ITGB1BP2: variants seen among roughly 807,000 people sequenced by gnomAD.
ITGB1BP2 encodes the protein integrin subunit beta 1 binding protein 2, also known as integrin beta-1-binding protein 2.
Under a neutral mutation model 32.2 loss-of-function variants are expected in ITGB1BP2, and 27 were observed. That is an observed-to-expected ratio of 0.84 (90% CI 0.62 to 1.16). The LOEUF (loss-of-function observed/expected upper bound fraction) is 1.16. ITGB1BP2 is among the 50% of genes most tolerant of loss of function. The probability of loss-of-function intolerance (pLI) is 0.00; values close to 1 mark genes in which losing one functional copy is unlikely to be tolerated. For missense variants in ITGB1BP2, 250 were observed against 267.3 expected, an observed-to-expected ratio of 0.94 and a Z score of 0.45; for synonymous variants, 105 against 94.7, an observed-to-expected ratio of 1.11 and a Z score of -0.63.
chrX:71,303,190 C>A, intron 4 of ITGB1BP2, 72 bp from the exon 5 acceptor site: 1 of 924,749 alleles, frequency 1.1e-6, no homozygotes, highest in South Asian at 2.3e-5. Context: ...ATTCCATTAC[C>A]ATCGGTGGGA....
intron 1 of ITGB1BP2, 78 bp downstream of exon 1, chrX:71,301,948 A>G: frequency 1.0e-6 from 1 of 959,631 alleles, no homozygotes; most frequent in Non-Finnish European, 1.5e-6. Context: ...AGTGTGTTTG[A>G]GGAGCGGGGA....
Position 71,303,441 on chromosome X carries a change from ACT to A in ITGB1BP2, c.413-17_413-16del, listed in dbSNP as rs1283002277. 1.7e-6 allele frequency: 2 copies of A among 1,208,127 alleles called. No homozygotes were observed. Among genetic ancestry groups the A allele is most frequent in the African/African-American group, 1.8e-5 (1 of 56,646 alleles). On this transcript the variant is annotated intron_variant, in intron 5 of 10. Coordinates refer to ENST00000373829, the MANE Select transcript of ITGB1BP2 (RefSeq NM_012278.4). ...GAGTGGGGGGATGGATAAGTTCCTG[ACT>A]CTGTTTCCCTTGCCCAGGACTTGAC...
In ITGB1BP2 at chrX:71,302,565, G is replaced by T. The variant is rs754841565; in HGVS notation, c.317+9G>T. 2.5e-6 allele frequency: 3 copies of T among 1,196,262 alleles called. No individual in the cohort carries two copies. Among genetic ancestry groups the T allele is most frequent in the Non-Finnish European group, 3.4e-6 (3 of 889,455 alleles). ...CGCCGGGAGAGGCCCAAGTAAAGAG[G>T]AGGAGGCCCCTGGACTTTTCTTATT... is the stretch of plus-strand genomic sequence containing the variant. On this transcript the variant is annotated intron_variant, in intron 4 of 10. Transcript: ENST00000373829.
chrX:71,305,271 G>A lies in ITGB1BP2; in HGVS notation c.*79G>A, dbSNP rs2031679906. 4.4e-6 allele frequency: 4 copies of A among 910,492 alleles called. No individual in the cohort carries two copies. The highest frequency in any genetic ancestry group is 6.1e-6 in the Non-Finnish European group (4 of 656,838). The allele number at this position is 910,492 out of a possible 1,213,427, so 75.0% of individuals were successfully genotyped here. A position where few individuals can be genotyped will look rare whatever the true frequency, so the allele number is the denominator to read the frequency against. On this transcript the variant is annotated 3_prime_UTR_variant, in exon 11 of 11. Coordinates refer to ENST00000373829, the MANE Select transcript of ITGB1BP2 (RefSeq NM_012278.4). ...TAGATACCAGGATATTGTTGGCCATGTGGCATCATTGAGCAGCAGGAGGCT... is the reference window on the plus strand; with the variant it reads ...TAGATACCAGGATATTGTTGGCCATATGGCATCATTGAGCAGCAGGAGGCT...
intron 4 of ITGB1BP2, among the ~76,000 whole-genome samples, chrX:71,302,976 C>G (rs898006846): frequency 3.6e-5 from 4 of 111,595 alleles, no homozygotes; most frequent in Non-Finnish European, 7.5e-5. Flanking sequence ...ATATTAGGTC[C>G]ACGATTAGAT....
Position 71,302,275 on chromosome X carries a change from A to G in ITGB1BP2, c.115-2A>G, listed in dbSNP as rs2031626857. ...AAGCTGATCTGGGTCTCTTGTTATC[A>G]GGGTTGGTCCTGCTGCCGAAAGCGA... is the stretch of plus-strand genomic sequence containing the variant. On this transcript the variant is annotated splice_acceptor_variant, in intron 2 of 10. Coordinates refer to ENST00000373829, the MANE Select transcript of ITGB1BP2 (RefSeq NM_012278.4). LOFTEE classifies it high-confidence loss of function. 8.3e-7 allele frequency: 1 copy of G among 1,208,938 alleles called. No individual in the cohort carries two copies. The highest frequency in any genetic ancestry group is 1.8e-5 in the African/African-American group (1 of 56,881).
At chrX:71,304,104 G>C (rs2031658817) in intron 8 of ITGB1BP2, 83 bp from the exon 9 acceptor site, 1 of 806,271 alleles carries the variant, frequency 1.2e-6, no homozygotes, top group Non-Finnish European at 1.8e-6. Flanking sequence ...GAGACTCTCT[G>C]TCTCTTCTCC....
chrX:71,301,993 T>C lies in ITGB1BP2; in HGVS notation c.64+123T>C, dbSNP rs1444146934. On this transcript the variant is annotated intron_variant, in intron 1 of 10. Coordinates refer to ENST00000373829, the MANE Select transcript of ITGB1BP2 (RefSeq NM_012278.4). ...CCTGCCCTAGTTTAATTGGTCTGAG[T>C]GATCTTACAGCCTTTGCTGGCTTTT... 4.5e-6 allele frequency: 4 copies of C among 879,379 alleles called. No homozygotes were observed. The African/African-American group carries it at 8.3e-5, about 18-fold the overall frequency. The allele number at this position is 879,379 out of a possible 1,213,427, so 72.5% of individuals were successfully genotyped here. A position where few individuals can be genotyped will look rare whatever the true frequency, so the allele number is the denominator to read the frequency against.
At chrX:71,303,540 C>G (rs1215579484) in intron 6 of ITGB1BP2, 24 bp downstream of exon 6, 1 of 1,207,309 alleles carries the variant, frequency 8.3e-7, no homozygotes, top group Admixed American at 2.2e-5. Context: ...TTGAGGGGCT[C>G]AAGCATATGG....
chrX:71,303,119 T>C (rs1367807826), intron 4 of ITGB1BP2, 143 bp from the exon 5 acceptor site: 5 of 486,630 alleles, frequency 1.0e-5, no homozygotes, highest in Non-Finnish European at 1.4e-5. Flanking sequence ...GAGATGAAAA[T>C]TGGCAATGGG....
chrX:71,302,322 T>C lies in ITGB1BP2; in HGVS notation c.160T>C (p.Leu54=). 1 of 1,211,476 alleles carries C rather than the reference T, an allele frequency of 8.3e-7. No homozygotes were observed. The highest frequency in any genetic ancestry group is 1.7e-5 in the African/African-American group (1 of 57,718). ...GCGAACTGTAGATTTCTCTGAGTTC[T>C]TAAACATCAAGGTAAATTATTTATG... ...RKRTVDFSEF[L]NIKGCTMGPH... is the part of the protein sequence containing the mutation. The change falls in exon 3 of 11, where the codon TTA becomes CTA. Residue 54 remains leucine, a synonymous_variant. Transcript: ENST00000373829.
At position 71,305,185 on chromosome X, in the gene ITGB1BP2, G is replaced by C. The variant is rs761991739; in HGVS notation, c.1037G>C (p.Gly346Ala). ...TEEEEEEEAM[G>A]E ...GAGGAGGAAGAGGAGGAAGCAATGG[G>C]GGAATAGTGACACCAGACAGTTGAT... The change falls in exon 11 of 11, where the codon GGG (glycine) becomes GCG (alanine). Residue 346 changes from glycine (G) to alanine (A), a missense_variant. Gly to Ala is a moderately conservative substitution (Grantham distance 60, BLOSUM62 0). Transcript: ENST00000373829. 2 of 1,191,874 alleles carry C rather than the reference G, an allele frequency of 1.7e-6. No homozygotes were observed. Among genetic ancestry groups the C allele is most frequent in the African/African-American group, 3.5e-5 (2 of 56,983 alleles).
chrX:71,304,527 A>T lies in ITGB1BP2; in HGVS notation c.754-15A>T. 4 of 1,204,281 alleles carry T rather than the reference A, an allele frequency of 3.3e-6. No individual in the cohort carries two copies. Among genetic ancestry groups the T allele is most frequent in the Non-Finnish European group, 4.5e-6 (4 of 890,317 alleles). On this transcript the variant is annotated splice_polypyrimidine_tract_variant and intron_variant, in intron 9 of 10. Coordinates refer to ENST00000373829, the MANE Select transcript of ITGB1BP2 (RefSeq NM_012278.4). ...TTCTGGGTTTGTTACTACCCCTGTA[A>T]TTCTTTTCTCTCAGCTTCATGTCCA...
Position 71,303,839 on chromosome X carries a change from C to T in ITGB1BP2, c.567C>T (p.Ile189=). The change falls in exon 8 of 11, where the codon ATC becomes ATT. Residue 189 remains isoleucine (I), a synonymous_variant. Transcript: ENST00000373829. ...TGAAGTCTTGGAGCTGTTGTGGCATCCAGACCCTGGATTTTGGGGCATTCT... is the reference window on the plus strand; with the variant it reads ...TGAAGTCTTGGAGCTGTTGTGGCATTCAGACCCTGGATTTTGGGGCATTCT... ...EGMKSWSCCG[I]QTLDFGAFLA... 8.3e-7 allele frequency: 1 copy of T among 1,209,385 alleles called. No homozygotes were observed.
chrX:71,302,911 CA>C (rs781651292), intron 4 of ITGB1BP2, among the ~76,000 whole-genome samples: 1 of 111,870 alleles, frequency 8.9e-6, no homozygotes, highest in East Asian at 2.8e-4. Flanking sequence ...GTATTATTGG[CA>C]GCCAGGAGAC....
At chrX:71,302,039 T>A in intron 1 of ITGB1BP2, 98 bp from the exon 2 acceptor site, 1 of 981,371 alleles carries the variant, frequency 1.0e-6, no homozygotes, top group Non-Finnish European at 1.4e-6. Flanking sequence ...TCACATTATA[T>A]GGGAAGAAAC....
chrX:71,304,203 G>A lies in ITGB1BP2; in HGVS notation c.656G>A (p.Arg219His), dbSNP rs758859422. The change falls in exon 9 of 11, where the codon CGC becomes CAC. Residue 219 changes from arginine to histidine, a missense_variant. Coordinates refer to ENST00000373829, the MANE Select transcript of ITGB1BP2 (RefSeq NM_012278.4). ...DWGKQLPASC[R>H]HDWHQTDSLV... ...TCTCTTTAGCTCCCAGCATCTTGCC[G>A]CCATGATTGGCACCAGACAGATTCC... 8 of 1,205,579 alleles carry A rather than the reference G, an allele frequency of 6.6e-6. No individual in the cohort carries two copies. The highest frequency in any genetic ancestry group is 4.6e-4 in the Middle Eastern group (2 of 4,362).
At chrX:71,303,550 G>A in intron 6 of ITGB1BP2, 34 bp downstream of exon 6, 1 of 1,207,116 alleles carries the variant, frequency 8.3e-7, no homozygotes. Context: ...CAAGCATATG[G>A]CTGAGGGATG....
At chrX:71,304,412 G>T in intron 9 of ITGB1BP2, 112 bp downstream of exon 9, 3 of 864,593 alleles carry the variant, frequency 3.5e-6, no homozygotes, top group Non-Finnish European at 3.4e-6. Context: ...TACCCTTAGA[G>T]GAAAGGAGAG....
Sources: gnomAD v4.1 joint callset for allele counts (sites outside exome capture counted in the v4.1 genomes callset) on GRCh38, gnomAD v4.1.1 for gene constraint, MANE v1.5 for transcripts, NCBI Gene and HGNC (gene_info 2026-07-23, HGNC 2026-07-21) for gene names.